The following GRM1 variants were observed in gnomAD, a reference collection of about 807,000 sequenced individuals.
GRM1 encodes glutamate metabotropic receptor 1, also known as metabotropic glutamate receptor 1.
Under a neutral mutation model 90.9 loss-of-function variants are expected in GRM1, and 33 were observed. The ratio of observed to expected loss-of-function variants is 0.36; its 90% CI spans 0.28 to 0.49. GRM1 has a LOEUF of 0.49. GRM1 is among the 20% of genes least tolerant of loss of function. The probability of loss-of-function intolerance (pLI) is 0.99; values close to 1 mark genes in which losing one functional copy is unlikely to be tolerated. For missense variants in GRM1, 1,190 were observed against 1,534.3 expected, an observed-to-expected ratio of 0.78 and a Z score of 3.75; for synonymous variants, 700 against 613.2, an observed-to-expected ratio of 1.14 and a Z score of -2.09.
intron 1 of GRM1, among the ~76,000 whole-genome samples, chr6:146,087,466 G>A (rs1369755494): frequency 1.3e-5 from 2 of 152,020 alleles, no homozygotes; most frequent in Admixed American, 6.6e-5. Flanking sequence ...GTGTTTGCGC[G>A]CATGTGTGTA....
intron 2 of GRM1, among the ~76,000 whole-genome samples, chr6:146,222,951 A>G (rs1467247337): frequency 2.0e-5 from 3 of 151,976 alleles, no homozygotes; most frequent in South Asian, 4.1e-4. Context: ...GGGGAGTTAT[A>G]TATCTTTGAA....
Position 146,330,985 on chromosome 6 carries a change from G to T in GRM1, c.1187-21265G>T, listed in dbSNP as rs199602913. ...AACAGCAAGCTAAGCTGAAATAATA[G>T]CATGCCAAATTGTGAGATGCAGAGA... On this transcript the variant is annotated intron_variant, in intron 3 of 7. Transcript: ENST00000282753. 1.2e-3 allele frequency among the ~76,000 whole-genome samples: 176 copies of T among 152,226 alleles called. 1 individual carries two copies. Among genetic ancestry groups the T allele is most frequent in the African/African-American group, 4.0e-3 (168 of 41,564 alleles).
At chr6:146,427,791 C>T (rs1778264324) in intron 7 of GRM1, among the ~76,000 whole-genome samples, 1 of 152,184 alleles carries the variant, frequency 6.6e-6, no homozygotes, top group Non-Finnish European at 1.5e-5. Flanking sequence ...CTCTGTAATT[C>T]TCCCAAGCTC....
At position 146,435,100 on chromosome 6, in the gene GRM1, T is replaced by C. The variant is rs1052914314; in HGVS notation, c.*304T>C. On this transcript the variant is annotated 3_prime_UTR_variant, in exon 8 of 8. Coordinates refer to ENST00000282753, the MANE Select transcript of GRM1 (RefSeq NM_001278064.2). The stretch of plus-strand genomic sequence containing the variant: ...TATGTAACTTTTATCACAAATCAAA[T>C]AGTGACATCACAAACATAATGTCCT... The C allele has an allele frequency of 1.0e-5, 5 of 499,870 alleles. No homozygotes were observed. Among genetic ancestry groups the C allele is most frequent in the South Asian group, 2.1e-5 (1 of 48,400 alleles). 31.0% of individuals were successfully genotyped at this position (499,870 alleles called of 1,614,324 possible).
chr6:146,108,028 A>T (rs1345847863), intron 1 of GRM1, among the ~76,000 whole-genome samples: 3 of 152,224 alleles, frequency 2.0e-5, no homozygotes, highest in African/African-American at 4.8e-5. Context: ...GAGTGCTTTC[A>T]AATATAAATG....
At chr6:146,300,249 G>A (rs1783325779) in intron 2 of GRM1, among the ~76,000 whole-genome samples, 1 of 152,212 alleles carries the variant, frequency 6.6e-6, no homozygotes, top group Non-Finnish European at 1.5e-5. Flanking sequence ...TTTCTAAAAT[G>A]TTTTTGCACA....
chr6:146,043,579 C>T (rs1270681920), intron 1 of GRM1, among the ~76,000 whole-genome samples: 2 of 151,426 alleles, frequency 1.3e-5, no homozygotes, highest in African/African-American at 4.8e-5. Flanking sequence ...CATGTTTCAT[C>T]TTAATTGGTA....
At chr6:146,228,160 G>T (rs1361036674) in intron 2 of GRM1, among the ~76,000 whole-genome samples, 1 of 152,154 alleles carries the variant, frequency 6.6e-6, no homozygotes, top group African/African-American at 2.4e-5. Flanking sequence ...GCCCACAGTT[G>T]CTGAAGAGGA....
intron 3 of GRM1, among the ~76,000 whole-genome samples, chr6:146,327,270 T>C (rs1784427295): frequency 6.6e-6 from 1 of 152,190 alleles, no homozygotes; most frequent in South Asian, 2.1e-4. Flanking sequence ...GGAAAGTTTG[T>C]ATAATAAGGG....
At position 146,398,824 on chromosome 6, in the gene GRM1, A is replaced by C. The variant is rs747160948; in HGVS notation, c.1785A>C (p.Ile595=). 6.2e-7 allele frequency: 1 copy of C among 1,613,914 alleles called. No homozygotes were observed. Among genetic ancestry groups the C allele is most frequent in the Non-Finnish European group, 8.5e-7 (1 of 1,179,828 alleles). ...AGTGGAGCAACATCGAATCCATTAT[A>C]GCCATCGCCTTTTCATGCCTGGGAA... The part of the protein sequence containing the change: ...YLEWSNIESI[I]AIAFSCLGIL... Residue 595 remains isoleucine (I), a synonymous_variant, in exon 7 of 8, where the codon ATA becomes ATC. Coordinates refer to ENST00000282753, the MANE Select transcript of GRM1 (RefSeq NM_001278064.2).
chr6:146,293,276 C>T (rs1366367327), intron 2 of GRM1, among the ~76,000 whole-genome samples: 1 of 151,856 alleles, frequency 6.6e-6, no homozygotes, highest in Non-Finnish European at 1.5e-5. Context: ...ATGTAAATTT[C>T]ACCTTAAGTT....
At chr6:146,220,546 G>A (rs1354538589) in intron 2 of GRM1, among the ~76,000 whole-genome samples, 1 of 152,106 alleles carries the variant, frequency 6.6e-6, no homozygotes, top group Non-Finnish European at 1.5e-5. Context: ...TTCATCTGTA[G>A]ATTAAATAAT....
intron 3 of GRM1, among the ~76,000 whole-genome samples, chr6:146,320,779 A>G (rs946991595): frequency 3.3e-5 from 5 of 152,008 alleles, no homozygotes; most frequent in African/African-American, 1.2e-4. Flanking sequence ...CTATTCTCTG[A>G]TAGTAGTTTG....
At chr6:146,425,415 T>A (rs1778160786) in intron 7 of GRM1, among the ~76,000 whole-genome samples, 1 of 152,204 alleles carries the variant, frequency 6.6e-6, no homozygotes, top group Non-Finnish European at 1.5e-5. Flanking sequence ...CTCCTCTTTC[T>A]TCTGAGTTTT....
intron 2 of GRM1, among the ~76,000 whole-genome samples, chr6:146,280,710 G>A (rs984763820): frequency 1.3e-5 from 2 of 151,964 alleles, no homozygotes; most frequent in African/African-American, 4.8e-5. Flanking sequence ...CCTCAAACTC[G>A]TGAGCTCAAG....
chr6:146,190,424 A>G (rs1163407191), intron 2 of GRM1, among the ~76,000 whole-genome samples: 2 of 152,180 alleles, frequency 1.3e-5, no homozygotes, highest in Non-Finnish European at 1.5e-5. Context: ...GGGGTCCATG[A>G]GATTCTTAAG....
intron 5 of GRM1, among the ~76,000 whole-genome samples, chr6:146,368,601 A>G (rs569505410): frequency 5.4e-4 from 82 of 152,176 alleles, no homozygotes; most frequent in African/African-American, 1.9e-3. Context: ...GAATTTTATC[A>G]AATACTTTTT....
intron 3 of GRM1, among the ~76,000 whole-genome samples, chr6:146,318,438 A>T (rs887780003): frequency 6.6e-6 from 1 of 152,106 alleles, no homozygotes; most frequent in African/African-American, 2.4e-5. Flanking sequence ...AGTCTTTGCT[A>T]TTGTGAAAAG....
intron 1 of GRM1, among the ~76,000 whole-genome samples, chr6:146,083,972 G>C (rs758165760): frequency 2.0e-5 from 3 of 152,162 alleles, no homozygotes; most frequent in Non-Finnish European, 4.4e-5. Flanking sequence ...GAGGGTGTAT[G>C]TGTCCAGGAA....
Sources: allele counts gnomAD v4.1 joint callset (sites outside exome capture counted in the v4.1 genomes callset), GRCh38; gene constraint gnomAD v4.1.1; transcripts MANE v1.5; gene names NCBI Gene and HGNC (gene_info 2026-07-23, HGNC 2026-07-21).